Variants in IL13RA1 observed in about 807,000 individuals in gnomAD.
IL13RA1 encodes interleukin-13 receptor subunit alpha-1.
In IL13RA1, 14 loss-of-function variants were observed where a neutral mutation model predicts 33.8. The observed-to-expected ratio is 0.41, with a 90% CI of 0.27 to 0.65. The LOEUF is 0.65. Ranked by LOEUF, IL13RA1 falls within the 30% of genes least tolerant of loss-of-function variation. The pLI is 0.28. For missense variants in IL13RA1, 313 were observed against 327.0 expected, an observed-to-expected ratio of 0.96 and a Z score of 0.33; for synonymous variants, 116 against 115.7, an observed-to-expected ratio of 1.00 and a Z score of -0.02.
intron 3 of IL13RA1, 22 bp downstream of exon 3, chrX:118,747,114 T>A: frequency 9.6e-7 from 1 of 1,040,446 alleles, no homozygotes; most frequent in South Asian, 2.0e-5. Flanking sequence ...AAGCGCTATC[T>A]CTTGGTGTTT....
intron 4 of IL13RA1, among the ~76,000 whole-genome samples, chrX:118,755,012 G>A (rs1569456095): frequency 1.0e-5 from 1 of 100,195 alleles, no homozygotes. Context: ...GCAGTGGTGC[G>A]ATCTCGGCTC....
intron 3 of IL13RA1, among the ~76,000 whole-genome samples, chrX:118,747,667 A>G (rs1399381702): frequency 8.9e-6 from 1 of 111,749 alleles, no homozygotes; most frequent in African/African-American, 3.2e-5. Context: ...ACAAGATAGT[A>G]CAAGACAACC....
intron 5 of IL13RA1, 139 bp from the exon 6 acceptor site, chrX:118,760,999 C>G (rs2017584534): frequency 2.7e-6 from 1 of 376,545 alleles, no homozygotes; most frequent in African/African-American, 2.6e-5. Context: ...AGCACAGATG[C>G]TATTTTTTAA....
At chrX:118,785,212 C>T (rs1459580231) in intron 10 of IL13RA1, among the ~76,000 whole-genome samples, 1 of 111,053 alleles carries the variant, frequency 9.0e-6, no homozygotes, top group Non-Finnish European at 1.9e-5. Flanking sequence ...ATCCTCCCAA[C>T]TCAGCCTCCT....
rs1157361361 is a variant in IL13RA1 at position 118,773,744 on chromosome X, T to G, written c.1010-135T>G. 3.8e-5 allele frequency: 18 copies of G among 472,917 alleles called. No homozygotes were observed. In the Admixed American group the frequency reaches 5.8e-4, roughly 15 times the overall value. 39.0% of individuals were successfully genotyped at this position (472,917 alleles called of 1,213,427 possible). On this transcript the variant is annotated intron_variant, in intron 8 of 10. Transcript: ENST00000371666. Reference sequence around the variant, plus strand: ...TTAATTTAACAGAAGATAAGATAATTGAAGAGCTTGGGAAAATAGGTTGGG... The same window carrying G: ...TTAATTTAACAGAAGATAAGATAATGGAAGAGCTTGGGAAAATAGGTTGGG...
At chrX:118,736,575 G>A (rs1238141680) in intron 1 of IL13RA1, among the ~76,000 whole-genome samples, 1 of 111,293 alleles carries the variant, frequency 9.0e-6, no homozygotes, top group Non-Finnish European at 1.9e-5. Context: ...GTCACTTTCT[G>A]TTTTTCTCTG....
At chrX:118,745,018 A>G (rs187023005) in intron 2 of IL13RA1, among the ~76,000 whole-genome samples, 1 of 111,842 alleles carries the variant, frequency 8.9e-6, no homozygotes, top group Non-Finnish European at 1.9e-5. Flanking sequence ...TAAAATTTGT[A>G]TTCGAAGCCT....
At chrX:118,782,382 A>G (rs1422212892) in intron 10 of IL13RA1, among the ~76,000 whole-genome samples, 1 of 110,310 alleles carries the variant, frequency 9.1e-6, no homozygotes, top group Non-Finnish European at 1.9e-5. Context: ...GCCCATTTCT[A>G]CACTTATTAG....
downstream of IL13RA1, among the ~76,000 whole-genome samples, chrX:118,795,227 A>G (rs10126587): frequency 6.7e-3 from 639 of 94,960 alleles, 42 homozygotes; most frequent in African/African-American, 0.028. Context: ...AAAAAAAAAA[A>G]AAAGAAAAAG....
chrX:118,800,047 T>C, the IL13RA1 span, among the ~76,000 whole-genome samples: 2 of 110,272 alleles, frequency 1.8e-5, no homozygotes. Flanking sequence ...ATTGACACTC[T>C]GTATCTAGCT....
chrX:118,744,260 A>C (rs1483061110), intron 2 of IL13RA1, among the ~76,000 whole-genome samples: 1 of 111,736 alleles, frequency 8.9e-6, no homozygotes, highest in African/African-American at 3.3e-5. Flanking sequence ...TGCCAGTTTA[A>C]TATTGTTTAC....
chrX:118,797,147 A>G (rs1221279705), downstream of IL13RA1, among the ~76,000 whole-genome samples: 1 of 112,198 alleles, frequency 8.9e-6, no homozygotes, highest in Non-Finnish European at 1.9e-5. Context: ...GGAAGTGAGA[A>G]TCTTTGCTAT....
chrX:118,786,928 G>C (rs1458975641), intron 10 of IL13RA1, among the ~76,000 whole-genome samples: 1 of 112,246 alleles, frequency 8.9e-6, no homozygotes, highest in Non-Finnish European at 1.9e-5. Flanking sequence ...GCTTGCTGAA[G>C]TTGAGTTATT....
At chrX:118,800,943 T>G in the IL13RA1 span, among the ~76,000 whole-genome samples, 1 of 111,083 alleles carries the variant, frequency 9.0e-6, no homozygotes, top group African/African-American at 3.3e-5. Context: ...CTTGCCACCA[T>G]GCTCAGCTGT....
At chrX:118,799,967 T>C in the IL13RA1 span, among the ~76,000 whole-genome samples, 1 of 100,945 alleles carries the variant, frequency 9.9e-6, no homozygotes, top group African/African-American at 3.7e-5. Flanking sequence ...CGGCACTCTG[T>C]ATCTAGCTGA....
At position 118,784,135 on chromosome X, in the gene IL13RA1, A is replaced by ATACG. The variant is rs1303530492; in HGVS notation, c.1192-7625_1192-7624insCGTA. Reference sequence around the variant, plus strand: ...CGTATATATGTATATATATGTATATATATATATATATACGTATATACACAT... The same window carrying ATACG: ...CGTATATATGTATATATATGTATATATACGTATATATATATACGTATATACACAT... On this transcript the variant is annotated intron_variant, in intron 10 of 10. Transcript: ENST00000371666. Among the ~76,000 whole-genome samples the ATACG allele has an allele frequency of 2.3e-4, 19 of 82,849 alleles. 3 individuals carry two copies. In the South Asian group the frequency reaches 5.7e-3, roughly 25 times the overall value. The allele number at this position is 82,849 out of a possible 115,157, so 71.9% of individuals were successfully genotyped here. A position where few individuals can be genotyped will look rare whatever the true frequency, so the allele number is the denominator to read the frequency against.
At chrX:118,736,741 G>T (rs1289274196) in intron 1 of IL13RA1, among the ~76,000 whole-genome samples, 2 of 111,928 alleles carry the variant, frequency 1.8e-5, no homozygotes, top group East Asian at 2.8e-4. Context: ...TGAGGAGCTG[G>T]AACTACAGAT....
chrX:118,766,816 C>G, intron 7 of IL13RA1, 28 bp from the exon 8 acceptor site: 1 of 876,257 alleles, frequency 1.1e-6, no homozygotes, highest in Non-Finnish European at 1.6e-6. Flanking sequence ...TGGTAATATT[C>G]CTTGTGTATT....
intron 1 of IL13RA1, among the ~76,000 whole-genome samples, chrX:118,734,488 T>A (rs1376775300): frequency 8.9e-6 from 1 of 112,126 alleles, no homozygotes; most frequent in Non-Finnish European, 1.9e-5. Context: ...TTTAAGTCAA[T>A]TTTCTTACAC....
Sources: gnomAD v4.1 joint callset for allele counts (sites outside exome capture counted in the v4.1 genomes callset) on GRCh38, gnomAD v4.1.1 for gene constraint, MANE v1.5 for transcripts, NCBI Gene and HGNC (gene_info 2026-07-23, HGNC 2026-07-21) for gene names.